ARHGEF12: variants seen among roughly 807,000 people sequenced by gnomAD.
ARHGEF12 encodes the protein Rho guanine nucleotide exchange factor 12.
A neutral mutation model predicts 211.2 loss-of-function variants in ARHGEF12; 66 were observed. The ratio of observed to expected loss-of-function variants is 0.31; its 90% CI spans 0.26 to 0.38. ARHGEF12 has a LOEUF of 0.38. Ranked by LOEUF, ARHGEF12 falls within the 10% of genes least tolerant of loss-of-function variation. The pLI, the probability that ARHGEF12 is intolerant of heterozygous loss-of-function variation, is 1.00. For missense variants in ARHGEF12, 1,429 were observed against 1,869.5 expected (o/e 0.76, Z 4.34); for synonymous variants, 592 against 638.4 (o/e 0.93, Z 1.09).
intron 4 of ARHGEF12, among the ~76,000 whole-genome samples, chr11:120,417,459 A>G (rs1945064758): frequency 6.6e-6 from 1 of 152,126 alleles, no homozygotes; most frequent in Non-Finnish European, 1.5e-5. Context: ...TCCAAAAGCA[A>G]GCATGGATTT....
rs372840385 is a variant in ARHGEF12 at position 120,458,116 on chromosome 11, G to A, written c.2262G>A (p.Glu754=). The A allele has an allele frequency of 4.7e-5, 75 of 1,608,482 alleles. 1 individual carries two copies. The Middle Eastern group carries it at 1.2e-3, about 25-fold the overall frequency. The change falls in exon 25 of 41, where the codon GAG becomes GAA. Residue 754 remains glutamate, a synonymous_variant. Transcript: ENST00000397843. ...TAGCTTTTGGAGAAAGTCAAAGTGA[G>A]GATGAACAATTTGAAAATGACTTAG... ...DSVAFGESQS[E]DEQFENDLET...
intron 11 of ARHGEF12, among the ~76,000 whole-genome samples, chr11:120,433,889 C>T (rs1350667081): frequency 1.3e-5 from 2 of 151,840 alleles, no homozygotes; most frequent in Admixed American, 1.3e-4. Context: ...ACCAGGGAGG[C>T]GGAGGTTGCA....
At chr11:120,392,004 C>G (rs1944234290) in intron 1 of ARHGEF12, among the ~76,000 whole-genome samples, 1 of 152,180 alleles carries the variant, frequency 6.6e-6, no homozygotes, top group Non-Finnish European at 1.5e-5. Flanking sequence ...GTAAAACTCT[C>G]CAGTGGTTTT....
chr11:120,354,595 G>T (rs978676212), intron 1 of ARHGEF12, among the ~76,000 whole-genome samples: 6 of 152,180 alleles, frequency 3.9e-5, no homozygotes, highest in Admixed American at 2.0e-4. Context: ...ATATTTAGGT[G>T]TGTTGTTTTT....
At chr11:120,450,210 C>T (rs1316793931) in intron 21 of ARHGEF12, 3 of 151,998 alleles carry the variant, frequency 2.0e-5, no homozygotes, top group Admixed American at 6.6e-5. Context: ...GCCTCTACAA[C>T]AAGAACAGCC....
chr11:120,414,725 A>T (rs1204174985), intron 4 of ARHGEF12, among the ~76,000 whole-genome samples: 1 of 152,150 alleles, frequency 6.6e-6, no homozygotes, highest in African/African-American at 2.4e-5. Flanking sequence ...ACTAGGACTA[A>T]GTCTTTTGTT....
chr11:120,488,606 A>G lies in ARHGEF12; in HGVS notation c.*3529A>G. The G allele has an allele frequency of 4.5e-6, 1 of 219,932 alleles. No individual in the cohort carries two copies. The highest frequency in any genetic ancestry group is 6.7e-5 in the East Asian group (1 of 14,938). 13.6% of individuals were successfully genotyped at this position (219,932 alleles called of 1,614,324 possible). On this transcript the variant is annotated 3_prime_UTR_variant, in exon 41 of 41. Coordinates refer to ENST00000397843, the MANE Select transcript of ARHGEF12 (RefSeq NM_015313.3). ...GTAGGAAAAAAAAGTACCTCCTAGA[A>G]GGAAGCCTTCCCCACCATTTCCAGG...
At chr11:120,419,743 CTT>C (rs987360467) in intron 4 of ARHGEF12, among the ~76,000 whole-genome samples, 19 of 152,076 alleles carry the variant, frequency 1.2e-4, no homozygotes, top group African/African-American at 1.4e-4. Context: ...GTAAATCAGA[CTT>C]ATATTTAAAA....
chr11:120,460,636 T>C, intron 26 of ARHGEF12, 36 bp from the exon 27 acceptor site: 2 of 1,567,970 alleles, frequency 1.3e-6, no homozygotes, highest in Non-Finnish European at 1.8e-6. Context: ...CTACACTGAA[T>C]GTGTTACTAA....
intron 28 of ARHGEF12, among the ~76,000 whole-genome samples, chr11:120,466,934 G>A (rs1012652031): frequency 2.6e-5 from 4 of 152,192 alleles, no homozygotes; most frequent in African/African-American, 4.8e-5. Flanking sequence ...GAAGCGATAC[G>A]TAGAGCTGCT....
chr11:120,435,583 C>T lies in ARHGEF12; in HGVS notation c.925-1725C>T, dbSNP rs182870695. 2.1e-3 allele frequency among the ~76,000 whole-genome samples: 301 copies of T among 145,018 alleles called. 7 individuals carry two copies. In the Middle Eastern group the frequency reaches 0.026, roughly 12 times the overall value. ...AGGCTGGAGTGCAGTGACGCAATCT[C>T]AGCTCACTGCAACCTCCGCCTCCCG... is the stretch of plus-strand genomic sequence containing the variant. On this transcript the variant is annotated intron_variant, in intron 11 of 40. Coordinates refer to ENST00000397843, the MANE Select transcript of ARHGEF12 (RefSeq NM_015313.3).
chr11:120,440,163 G>T lies in ARHGEF12; in HGVS notation c.1034G>T (p.Arg345Leu). 6.2e-7 allele frequency: 1 copy of T among 1,613,738 alleles called. No homozygotes were observed. The highest frequency in any genetic ancestry group is 8.5e-7 in the Non-Finnish European group (1 of 1,179,796). The change falls in exon 13 of 41, where the codon CGT (arginine) becomes CTT (leucine). Residue 345 changes from arginine (R) to leucine (L), a missense_variant. Arg to Leu is a moderately radical substitution (Grantham distance 102). Coordinates refer to ENST00000397843, the MANE Select transcript of ARHGEF12 (RefSeq NM_015313.3). ...TCACTTGTCGGAAGTCCCTCAACCC[G>T]TATAGCACCTCATATTATTGGAGCA... The part of the protein sequence containing the change: ...TQSLVGSPST[R>L]IAPHIIGAED...
At chr11:120,454,930 C>G (rs971626154) in intron 22 of ARHGEF12, among the ~76,000 whole-genome samples, 1 of 152,148 alleles carries the variant, frequency 6.6e-6, no homozygotes, top group Non-Finnish European at 1.5e-5. Flanking sequence ...AAATCTAGCC[C>G]ATACTCAGGG....
intron 4 of ARHGEF12, among the ~76,000 whole-genome samples, chr11:120,412,140 T>C (rs1362277224): frequency 2.0e-5 from 3 of 152,220 alleles, no homozygotes; most frequent in African/African-American, 7.2e-5. Flanking sequence ...GGATGCGTTT[T>C]CTGATCTACA....
intron 1 of ARHGEF12, among the ~76,000 whole-genome samples, chr11:120,403,753 A>G (rs914401296): frequency 1.3e-5 from 2 of 152,218 alleles, no homozygotes; most frequent in Non-Finnish European, 2.9e-5. Context: ...CACCTGTAAC[A>G]TTATGTCATA....
intron 1 of ARHGEF12, among the ~76,000 whole-genome samples, chr11:120,351,407 G>GAA (rs1843436614): frequency 1.2e-5 from 1 of 86,010 alleles, no homozygotes; most frequent in African/African-American, 4.1e-5. Flanking sequence ...TGTAGGAAAG[G>GAA]AATATATATA....
Position 120,486,149 on chromosome 11 carries a change from A to G in ARHGEF12, c.*1072A>G, listed in dbSNP as rs923159816. ...TCTAACTGAATCACTACTGAGTTGA[A>G]TCATGGCTATCATTAGCCACAGGTA... is the stretch of plus-strand genomic sequence containing the variant. On this transcript the variant is annotated 3_prime_UTR_variant, in exon 41 of 41. Transcript: ENST00000397843. 3 of 233,462 alleles carry G rather than the reference A, an allele frequency of 1.3e-5. No individual in the cohort carries two copies. Among genetic ancestry groups the G allele is most frequent in the East Asian group, 6.0e-5 (1 of 16,586 alleles). The allele number at this position is 233,462 out of a possible 1,614,324, so 14.5% of individuals were successfully genotyped here.
chr11:120,386,632 A>T (rs761262966), intron 1 of ARHGEF12, among the ~76,000 whole-genome samples: 32 of 152,140 alleles, frequency 2.1e-4, no homozygotes, highest in Non-Finnish European at 4.3e-4. Context: ...TAAAAAACTC[A>T]TGCATATGAT....
chr11:120,404,865 A>G (rs1944653567), intron 1 of ARHGEF12, among the ~76,000 whole-genome samples: 1 of 152,192 alleles, frequency 6.6e-6, no homozygotes, highest in Non-Finnish European at 1.5e-5. Flanking sequence ...CTACCTCAAC[A>G]GTTATGGACA....
Sources: allele counts gnomAD v4.1 joint callset (sites outside exome capture counted in the v4.1 genomes callset), GRCh38; gene constraint gnomAD v4.1.1; transcripts MANE v1.5; gene names NCBI Gene and HGNC (gene_info 2026-07-23, HGNC 2026-07-21).